SH3D21: variants seen among roughly 807,000 people sequenced by gnomAD.
The protein encoded by SH3D21 is SH3 domain-containing protein 21.
In SH3D21, 83 loss-of-function variants were observed where a neutral mutation model predicts 82.1. The observed-to-expected ratio is 1.01, with a 90% CI of 0.85 to 1.21. The LOEUF (loss-of-function observed/expected upper bound fraction) is 1.21. SH3D21 is among the 50% of genes most tolerant of loss of function. The pLI, the probability that SH3D21 is intolerant of heterozygous loss-of-function variation, is 0.00. For synonymous variants in SH3D21, 383 were observed against 387.8 expected, an observed-to-expected ratio of 0.99 and a Z score of 0.15; for missense variants, 980 against 962.1, an observed-to-expected ratio of 1.02 and a Z score of -0.25.
At chr1:36,321,840 C>T, downstream of SH3D21, 1 of 1,021,056 alleles carries the variant, frequency 9.8e-7, no homozygotes, top group Non-Finnish European at 1.2e-6. This position sits in a 1 kb window ranked among gnomAD's most constrained non-coding sequence, Gnocchi z 6.1. Flanking sequence ...AGGCTGGGTG[C>T]AGGCCTGTGG....
At chr1:36,309,616 G>A (rs762191150) in intron 10 of SH3D21, 26 bp downstream of exon 10, 304 of 1,548,694 alleles carry the variant, frequency 2.0e-4, no homozygotes, top group Non-Finnish European at 2.5e-4. Flanking sequence ...GCCTGGGATT[G>A]GGGGGTGTTC....
chr1:36,307,025 G>T lies in SH3D21; in HGVS notation c.226+120G>T. On this transcript the variant is annotated intron_variant, in intron 3 of 15. Transcript: ENST00000453908. The surrounding 1 kb of genome is among the most constrained non-coding windows in gnomAD (Gnocchi z 5.4). ...GGCGGGACCTCGGGGCCGCCCTGCG[G>T]TCTGTGATTGGTTCTCGAGTGCAAT... The T allele has an allele frequency of 6.9e-7, 1 of 1,441,528 alleles. No homozygotes were observed. Among genetic ancestry groups the T allele is most frequent in the Non-Finnish European group, 9.1e-7 (1 of 1,093,620 alleles). 89.3% of individuals were successfully genotyped at this position (1,441,528 alleles called of 1,614,324 possible). A position where few individuals can be genotyped will look rare whatever the true frequency, so the allele number is the denominator to read the frequency against.
rs1433770724 is a variant in SH3D21 at position 36,319,550 on chromosome 1, G to C, written c.1011+14G>C. The C allele has an allele frequency of 6.4e-7, 1 of 1,551,600 alleles. No individual in the cohort carries two copies. The highest frequency in any genetic ancestry group is 1.4e-5 in the African/African-American group (1 of 73,052). On this transcript the variant is annotated intron_variant, in intron 13 of 15. Coordinates refer to ENST00000453908, the MANE Select transcript of SH3D21 (RefSeq NM_001162530.2). ...GTGTCCAGTCAGGTGAGGGGCGGGA[G>C]ACATGGGAGAGTGGGGATGCTGGGC...
chr1:36,322,239 T>A (rs1646475177), downstream of SH3D21: 22 of 1,436,036 alleles, frequency 1.5e-5, no homozygotes, highest in Non-Finnish European at 2.0e-5. Context: ...GGGGTAGCTC[T>A]GAGCTCATGT....
Position 36,321,184 on chromosome 1 carries a change from C to CA in SH3D21, c.*58dup. On this transcript the variant is annotated 3_prime_UTR_variant, in exon 16 of 16. Transcript: ENST00000453908. The surrounding 1 kb of genome is among the most constrained non-coding windows in gnomAD (Gnocchi z 6.1). ...CTGGCTGGGGCCACCCACGTCCTTG[C>CA]ACACGACTTTGGGAAACGCGAGAAA... 1 of 1,579,416 alleles carries CA rather than the reference C, an allele frequency of 6.3e-7. No individual in the cohort carries two copies. Among genetic ancestry groups the CA allele is most frequent in the South Asian group, 1.1e-5 (1 of 87,058 alleles).
At chr1:36,316,761 C>G (rs944203255) in intron 10 of SH3D21, among the ~76,000 whole-genome samples, 8 of 131,484 alleles carry the variant, frequency 6.1e-5, no homozygotes, top group Non-Finnish European at 8.1e-5. Flanking sequence ...TCAGTTCTCT[C>G]TCTTTTTTTT....
intron 10 of SH3D21, among the ~76,000 whole-genome samples, chr1:36,314,870 T>C (rs1298386760): frequency 1.3e-5 from 2 of 152,180 alleles, no homozygotes; most frequent in African/African-American, 4.8e-5. Context: ...ACACTCCAAA[T>C]TGAGCTGCCT....
downstream of SH3D21, chr1:36,327,843 T>C: frequency 7.8e-7 from 1 of 1,289,260 alleles, no homozygotes; most frequent in African/African-American, 1.5e-5. Flanking sequence ...AATGTGGCTG[T>C]CCCCATGGTC....
downstream of SH3D21, among the ~76,000 whole-genome samples, chr1:36,326,370 T>G (rs1371690052): frequency 2.0e-5 from 3 of 152,048 alleles, no homozygotes; most frequent in Non-Finnish European, 4.4e-5. Flanking sequence ...TAGCTGGGAT[T>G]ACAGGCATGC....
downstream of SH3D21, chr1:36,321,728 T>A: frequency 9.9e-7 from 1 of 1,010,488 alleles, no homozygotes; most frequent in Non-Finnish European, 1.2e-6. This position sits in a 1 kb window ranked among gnomAD's most constrained non-coding sequence, Gnocchi z 6.1. Flanking sequence ...TTGCAGTGTA[T>A]GAACCCAGGG....
chr1:36,310,305 CAT>C (rs929546981), intron 10 of SH3D21, among the ~76,000 whole-genome samples: 123 of 152,230 alleles, frequency 8.1e-4, no homozygotes, highest in African/African-American at 2.7e-3. Context: ...ATATATAACA[CAT>C]ATGTTATAAA....
At chr1:36,308,712 G>T (rs542670100) in intron 9 of SH3D21, among the ~76,000 whole-genome samples, 3 of 152,176 alleles carry the variant, frequency 2.0e-5, no homozygotes, top group Non-Finnish European at 4.4e-5. Flanking sequence ...TGCCGGGTAC[G>T]GTGGCTCACG....
intron 10 of SH3D21, among the ~76,000 whole-genome samples, chr1:36,309,963 T>C (rs1479139808): frequency 6.7e-6 from 1 of 148,434 alleles, no homozygotes; most frequent in East Asian, 1.9e-4. Flanking sequence ...CTTTTTTTAT[T>C]TATTTTTTTG....
At position 36,319,661 on chromosome 1, in the gene SH3D21, T is replaced by C. The variant is rs778653260; in HGVS notation, c.1012-14T>C. 1 of 1,568,502 alleles carries C rather than the reference T, an allele frequency of 6.4e-7. No individual in the cohort carries two copies. Among genetic ancestry groups the C allele is most frequent in the East Asian group, 2.4e-5 (1 of 42,456 alleles). On this transcript the variant is annotated splice_polypyrimidine_tract_variant and intron_variant, in intron 13 of 15. Coordinates refer to ENST00000453908, the MANE Select transcript of SH3D21 (RefSeq NM_001162530.2). Reference sequence around the variant, plus strand: ...ACTCAACCTCAGCTGAGACTTCACCTCCCATCACGGCAGGAGGAAGAGCAC... The same window carrying C: ...ACTCAACCTCAGCTGAGACTTCACCCCCCATCACGGCAGGAGGAAGAGCAC...
At chr1:36,322,235 G>C (rs1176439146), downstream of SH3D21, 1 of 1,433,326 alleles carries the variant, frequency 7.0e-7, no homozygotes, top group Admixed American at 2.7e-5. Context: ...GTGTGGGGTA[G>C]CTCTGAGCTC....
rs1391690128 is a variant in SH3D21 at position 36,320,745 on chromosome 1, G to C, written c.2082G>C (p.Arg694Ser). The change falls in exon 14 of 16, where the codon AGG becomes AGC. Residue 694 changes from arginine (R) to serine (S), a missense_variant. Transcript: ENST00000453908. ...KNEGVDVTSL[R>S]GEVESLRRAL... ...AAGGAGTTGATGTAACGTCGCTGAG[G>C]GGCGAGGTGGAGTCTCTAAGGAGGG... 6.2e-7 allele frequency: 1 copy of C among 1,604,790 alleles called. No individual in the cohort carries two copies. The highest frequency in any genetic ancestry group is 8.5e-7 in the Non-Finnish European group (1 of 1,175,464).
chr1:36,326,904 G>T (rs1646551533), downstream of SH3D21, among the ~76,000 whole-genome samples: 2 of 152,216 alleles, frequency 1.3e-5, no homozygotes, highest in African/African-American at 4.8e-5. Flanking sequence ...GGTTAGACTT[G>T]AAATGTCCAT....
intron 10 of SH3D21, among the ~76,000 whole-genome samples, chr1:36,316,291 A>G (rs1270247601): frequency 4.6e-5 from 7 of 152,146 alleles, no homozygotes; most frequent in African/African-American, 4.8e-5. Context: ...CTGGAGTGCA[A>G]TGATGCGATC....
chr1:36,319,381 A>G (rs1214682865), intron 12 of SH3D21, 61 bp from the exon 13 acceptor site: 2 of 1,550,384 alleles, frequency 1.3e-6, no homozygotes, highest in African/African-American at 2.7e-5. Flanking sequence ...GCGGAGGGAC[A>G]GAGGTGGGAA....
Sources: allele counts gnomAD v4.1 joint callset (sites outside exome capture counted in the v4.1 genomes callset), GRCh38; gene constraint gnomAD v4.1.1; non-coding constraint Gnocchi (gnomAD v3.1); transcripts MANE v1.5; gene names NCBI Gene and HGNC (gene_info 2026-07-23, HGNC 2026-07-21).